Variants in NRG3 observed in about 807,000 individuals in gnomAD.
The protein encoded by NRG3 is neuregulin 3.
A neutral mutation model predicts 66.9 loss-of-function variants in NRG3; 31 were observed. The observed-to-expected ratio is 0.46, with a 90% CI of 0.35 to 0.63. The LOEUF (loss-of-function observed/expected upper bound fraction) is 0.63. NRG3 is among the 20% of genes least tolerant of loss of function. NRG3 has a pLI of 0.00. For synonymous variants in NRG3, 393 were observed against 359.4 expected (o/e 1.09, Z -1.06); for missense variants, 910 against 878.9 (o/e 1.04, Z -0.45).
At chr10:82,679,756 C>T (rs778475581) in intron 2 of NRG3, among the ~76,000 whole-genome samples, 3 of 151,788 alleles carry the variant, frequency 2.0e-5, no homozygotes, top group Admixed American at 1.3e-4. Context: ...AAAATAATTA[C>T]GAAGTGGGGA....
At chr10:82,403,476 T>C (rs940507330) in intron 2 of NRG3, among the ~76,000 whole-genome samples, 1 of 152,204 alleles carries the variant, frequency 6.6e-6, no homozygotes. Flanking sequence ...AGATTATGTG[T>C]CACTCTTCTT....
At chr10:81,885,482 G>A (rs1842540589) in intron 1 of NRG3, among the ~76,000 whole-genome samples, 1 of 152,138 alleles carries the variant, frequency 6.6e-6, no homozygotes, top group African/African-American at 2.4e-5. Flanking sequence ...ACATTGGTGA[G>A]ACCTTGATAT....
chr10:82,453,776 C>G (rs2091139931), intron 2 of NRG3, among the ~76,000 whole-genome samples: 1 of 151,474 alleles, frequency 6.6e-6, no homozygotes, highest in South Asian at 2.1e-4. Context: ...TTCTGTTTCT[C>G]ATTTATTCAA....
intron 3 of NRG3, among the ~76,000 whole-genome samples, chr10:82,816,559 A>G (rs1052321454): frequency 2.0e-5 from 3 of 152,206 alleles, no homozygotes; most frequent in African/African-American, 7.2e-5. Flanking sequence ...GGGCCCAGAA[A>G]AAGCACCATA....
intron 6 of NRG3, among the ~76,000 whole-genome samples, chr10:82,962,888 C>T (rs147137761): frequency 1.8e-4 from 28 of 152,150 alleles, no homozygotes; most frequent in Non-Finnish European, 1.9e-4. Flanking sequence ...TAGTGCCTAA[C>T]AGAGCCTTAA....
intron 1 of NRG3, among the ~76,000 whole-genome samples, chr10:82,341,487 C>T (rs2135394586): frequency 6.6e-6 from 1 of 152,074 alleles, no homozygotes; most frequent in South Asian, 2.1e-4. Flanking sequence ...AGGTTTATTC[C>T]AAGCATTATT....
At chr10:82,974,344 A>G (rs1438021392) in intron 7 of NRG3, among the ~76,000 whole-genome samples, 1 of 152,170 alleles carries the variant, frequency 6.6e-6, no homozygotes, top group Non-Finnish European at 1.5e-5. Flanking sequence ...AGCCTGGTGA[A>G]TCTTCTTCTT....
intron 1 of NRG3, among the ~76,000 whole-genome samples, chr10:82,249,895 G>A (rs927882938): frequency 3.9e-5 from 6 of 152,190 alleles, no homozygotes; most frequent in African/African-American, 1.4e-4. Context: ...AACCTTATCA[G>A]CAATGCAGTT....
At chr10:82,072,907 C>T (rs2064888123) in intron 1 of NRG3, among the ~76,000 whole-genome samples, 1 of 152,058 alleles carries the variant, frequency 6.6e-6, no homozygotes, top group Non-Finnish European at 1.5e-5. Context: ...GCTGGGACTA[C>T]AGGCGCACAC....
At chr10:82,787,184 C>A (rs1300276319) in intron 3 of NRG3, among the ~76,000 whole-genome samples, 2 of 152,172 alleles carry the variant, frequency 1.3e-5, no homozygotes, top group Non-Finnish European at 2.9e-5. Flanking sequence ...CTCTCTTACA[C>A]TCAAAACTAG....
chr10:82,946,337 G>T (rs1050731819), intron 4 of NRG3, among the ~76,000 whole-genome samples: 1 of 151,734 alleles, frequency 6.6e-6, no homozygotes, highest in African/African-American at 2.4e-5. Context: ...TCAAGAGATC[G>T]AGACTAGCCT....
At chr10:82,796,813 A>G (rs1432536476) in intron 3 of NRG3, among the ~76,000 whole-genome samples, 1 of 152,142 alleles carries the variant, frequency 6.6e-6, no homozygotes, top group East Asian at 1.9e-4. Context: ...GGAGAGGAAT[A>G]GGGGTAAAAA....
chr10:82,425,553 C>G (rs1297283187), intron 2 of NRG3, among the ~76,000 whole-genome samples: 2 of 151,984 alleles, frequency 1.3e-5, no homozygotes, highest in Non-Finnish European at 1.5e-5. Context: ...TGTATTATAT[C>G]TAAGTCTTGT....
At chr10:82,061,494 T>G (rs565314898) in intron 1 of NRG3, among the ~76,000 whole-genome samples, 6 of 152,342 alleles carry the variant, frequency 3.9e-5, no homozygotes, top group African/African-American at 1.2e-4. Flanking sequence ...CCAAGGTTTT[T>G]ACAGAGTTTC....
At chr10:82,635,282 T>C (rs940643114) in intron 2 of NRG3, among the ~76,000 whole-genome samples, 1 of 152,188 alleles carries the variant, frequency 6.6e-6, no homozygotes, top group Non-Finnish European at 1.5e-5. Flanking sequence ...CACGTAGTTA[T>C]TTGAAAGGTT....
At chr10:82,761,265 T>C (rs1360565783) in intron 3 of NRG3, among the ~76,000 whole-genome samples, 1 of 152,052 alleles carries the variant, frequency 6.6e-6, no homozygotes, top group Non-Finnish European at 1.5e-5. Context: ...TCTTCAGAAA[T>C]ATCTGTGGAA....
intron 1 of NRG3, among the ~76,000 whole-genome samples, chr10:82,001,933 AAC>A (rs1448107486): frequency 1.3e-5 from 2 of 152,170 alleles, no homozygotes; most frequent in Non-Finnish European, 2.9e-5. Flanking sequence ...TGATACAACT[AAC>A]AACTTCAACA....
At chr10:82,556,307 A>AC (rs2044646978) in intron 2 of NRG3, among the ~76,000 whole-genome samples, 1 of 152,114 alleles carries the variant, frequency 6.6e-6, no homozygotes, top group Non-Finnish European at 1.5e-5. Context: ...GAGTTAAGTT[A>AC]CAATCTTAGA....
At chr10:82,816,973 C>G (rs1289907382) in intron 3 of NRG3, among the ~76,000 whole-genome samples, 2 of 152,226 alleles carry the variant, frequency 1.3e-5, no homozygotes, top group Non-Finnish European at 1.5e-5. Context: ...GAGGACCCCT[C>G]TACTAGAAAG....
Sources: gnomAD v4.1 joint callset for allele counts (sites outside exome capture counted in the v4.1 genomes callset) on GRCh38, gnomAD v4.1.1 for gene constraint, MANE v1.5 for transcripts, NCBI Gene and HGNC (gene_info 2026-07-23, HGNC 2026-07-21) for gene names.